The following STT3B variants were observed in gnomAD, a reference collection of about 807,000 sequenced individuals.
STT3B encodes the protein STT3 oligosaccharyltransferase complex catalytic subunit B, also known as dolichyl-diphosphooligosaccharide--protein glycosyltransferase subunit STT3B.
STT3B carries 29 observed loss-of-function variants against 96.8 expected under a neutral mutation model. The ratio of observed to expected loss-of-function variants is 0.30; its 90% CI spans 0.22 to 0.41. The LOEUF (loss-of-function observed/expected upper bound fraction) is 0.41. Among genes scored for constraint, STT3B ranks in the 10% least tolerant of loss-of-function variants. The probability of loss-of-function intolerance (pLI) is 1.00; values close to 1 mark genes in which losing one functional copy is unlikely to be tolerated. For missense variants in STT3B, 640 were observed against 1,022.3 expected, an observed-to-expected ratio of 0.63 and a Z score of 5.10; for synonymous variants, 367 against 360.0, an observed-to-expected ratio of 1.02 and a Z score of -0.22.
chr3:31,567,251 G>A (rs1247789370), intron 1 of STT3B, among the ~76,000 whole-genome samples: 1 of 152,106 alleles, frequency 6.6e-6, no homozygotes, highest in East Asian at 1.9e-4. Flanking sequence ...GCTCCACCTC[G>A]CTGCCTTTTG....
chr3:31,610,625 C>G (rs779142780), intron 5 of STT3B, among the ~76,000 whole-genome samples: 5 of 152,140 alleles, frequency 3.3e-5, no homozygotes, highest in South Asian at 2.1e-4. Flanking sequence ...CACATTAAGT[C>G]AAGGACTATG....
At chr3:31,623,988 T>C in intron 11 of STT3B, 127 bp downstream of exon 11, 1 of 837,018 alleles carries the variant, frequency 1.2e-6, no homozygotes, top group African/African-American at 1.7e-5. Context: ...TAATTTTTTA[T>C]TTTAATTTTG....
rs1363775875 is a variant in STT3B at position 31,579,842 on chromosome 3, A to G, written c.457A>G (p.Ile153Val). The change falls in exon 3 of 16, where the codon ATT becomes GTT. Residue 153 changes from isoleucine to valine, a missense_variant. This residue lies in a region of STT3B where 267 missense variants were observed against 388.3 expected (regional missense o/e 0.69). Transcript: ENST00000295770. ...YPGLMITAGL[I>V]HWILNTLNIT... Reference sequence around the variant, plus strand: ...AGGGTTGATGATAACCGCTGGCCTTATTCATTGGATTTTAAATACATTGAA... The same window carrying G: ...AGGGTTGATGATAACCGCTGGCCTTGTTCATTGGATTTTAAATACATTGAA... The G allele has an allele frequency of 1.9e-6, 3 of 1,613,594 alleles. No individual in the cohort carries two copies. Among genetic ancestry groups the G allele is most frequent in the African/African-American group, 2.7e-5 (2 of 74,994 alleles).
chr3:31,616,390 C>T (rs1699307873), intron 6 of STT3B, among the ~76,000 whole-genome samples: 1 of 151,860 alleles, frequency 6.6e-6, no homozygotes, highest in African/African-American at 2.4e-5. Flanking sequence ...CCAGTTTCTG[C>T]TGGTTTCTCA....
intron 1 of STT3B, 138 bp from the exon 2 acceptor site, chr3:31,576,258 A>G: frequency 2.3e-6 from 1 of 426,758 alleles, no homozygotes; most frequent in South Asian, 4.3e-5. Flanking sequence ...TGTTCTTTTG[A>G]TATCTTCAGA....
Position 31,532,959 on chromosome 3 carries a change from C to CGGCGGA in STT3B, c.-37_-32dup. 6.4e-7 allele frequency: 1 copy of CGGCGGA among 1,552,902 alleles called. No homozygotes were observed. Among genetic ancestry groups the CGGCGGA allele is most frequent in the Non-Finnish European group, 8.7e-7 (1 of 1,153,636 alleles). ...CAGCACCCCTCGCACCAGGCGGCGG[C>CGGCGGA]GGCGGAGGAGGAGAGCTAGACCCGC... is the stretch of plus-strand genomic sequence containing the variant. On this transcript the variant is annotated 5_prime_UTR_variant, in exon 1 of 16. Coordinates refer to ENST00000295770, the MANE Select transcript of STT3B (RefSeq NM_178862.3).
rs186414628 is a variant in STT3B, at chr3:31,567,834, A to G, written c.315-8562A>G. Among the ~76,000 whole-genome samples, 29 of 152,252 alleles carry G rather than the reference A, an allele frequency of 1.9e-4. 2 individuals carry two copies. The East Asian group carries it at 2.1e-3, about 11-fold the overall frequency. On this transcript the variant is annotated intron_variant, in intron 1 of 15. Coordinates refer to ENST00000295770, the MANE Select transcript of STT3B (RefSeq NM_178862.3). ...ATAGTCATCACCTCACGCATTTATC[A>G]TTTCTTTGTTTTAGAAACATTTCAA...
intron 5 of STT3B, among the ~76,000 whole-genome samples, chr3:31,606,000 G>A (rs183330989): frequency 9.2e-5 from 14 of 152,292 alleles, no homozygotes; most frequent in Non-Finnish European, 1.5e-5. Context: ...GTGACTCTTG[G>A]TATGTTTTAA....
At chr3:31,620,013 G>C in intron 9 of STT3B, 183 bp downstream of exon 9, 1 of 1,439,894 alleles carries the variant, frequency 6.9e-7, no homozygotes, top group East Asian at 2.8e-5. Context: ...GGTGGCACAC[G>C]CCTGTAATCC....
At chr3:31,535,133 T>G (rs1387660927) in intron 1 of STT3B, among the ~76,000 whole-genome samples, 1 of 152,102 alleles carries the variant, frequency 6.6e-6, no homozygotes. Flanking sequence ...GGCTAACGAC[T>G]GTTTAATAGT....
intron 1 of STT3B, among the ~76,000 whole-genome samples, chr3:31,543,492 C>T (rs1445926712): frequency 6.6e-6 from 1 of 152,196 alleles, no homozygotes; most frequent in Non-Finnish European, 1.5e-5. Flanking sequence ...AATATTAAGA[C>T]AGATCCTTTA....
At chr3:31,605,815 A>G (rs943002064) in intron 5 of STT3B, among the ~76,000 whole-genome samples, 2 of 152,208 alleles carry the variant, frequency 1.3e-5, no homozygotes, top group African/African-American at 4.8e-5. Flanking sequence ...AGACAGATAG[A>G]TATTGGAACA....
intron 1 of STT3B, among the ~76,000 whole-genome samples, chr3:31,539,093 T>C (rs1322857548): frequency 6.6e-6 from 1 of 152,160 alleles, no homozygotes; most frequent in African/African-American, 2.4e-5. Flanking sequence ...TAGAATTTTA[T>C]GTCTTTGGAA....
intron 1 of STT3B, among the ~76,000 whole-genome samples, chr3:31,540,661 A>G (rs1697243472): frequency 1.3e-5 from 2 of 152,144 alleles, no homozygotes; most frequent in Non-Finnish European, 2.9e-5. Context: ...CCCACAATAG[A>G]TAGATAATGT....
chr3:31,631,556 T>C (rs1378480286), intron 14 of STT3B, among the ~76,000 whole-genome samples: 1 of 152,194 alleles, frequency 6.6e-6, no homozygotes, highest in African/African-American at 2.4e-5. Context: ...AAGAATAATA[T>C]ATGGTTAAAA....
intron 5 of STT3B, 63 bp downstream of exon 5, chr3:31,600,522 G>A (rs1698905970): frequency 1.3e-6 from 1 of 747,998 alleles, no homozygotes. Flanking sequence ...TCATTTTATT[G>A]AAGAGATATT....
At chr3:31,618,294 A>ATATAACG in intron 8 of STT3B, among the ~76,000 whole-genome samples, 1 of 152,170 alleles carries the variant, frequency 6.6e-6, no homozygotes, top group African/African-American at 2.4e-5. Flanking sequence ...CTTTTATAAC[A>ATATAACG]TTTTCATCTT....
intron 3 of STT3B, among the ~76,000 whole-genome samples, chr3:31,589,088 A>G (rs1420806388): frequency 2.0e-5 from 3 of 152,000 alleles, no homozygotes; most frequent in Admixed American, 2.0e-4. Context: ...CTCTCTGTTT[A>G]TTTACATCTT....
At chr3:31,628,034 A>G (rs988265118) in intron 13 of STT3B, among the ~76,000 whole-genome samples, 5 of 151,904 alleles carry the variant, frequency 3.3e-5, no homozygotes, top group African/African-American at 1.2e-4. Flanking sequence ...GTTCCTCTAT[A>G]GGTAATAACA....
Sources: gnomAD v4.1 joint callset for allele counts (sites outside exome capture counted in the v4.1 genomes callset) on GRCh38, gnomAD v4.1.1 for gene constraint, gnomAD v4.1.1 regional missense constraint, MANE v1.5 for transcripts, NCBI Gene and HGNC (gene_info 2026-07-23, HGNC 2026-07-21) for gene names.